The following COL5A1 variants were observed in gnomAD, a reference collection of about 807,000 sequenced individuals.
The protein encoded by COL5A1 is collagen type V alpha 1 chain.
A neutral mutation model predicts 263.7 loss-of-function variants in COL5A1; 16 were observed. The ratio of observed to expected loss-of-function variants is 0.06; its 90% CI spans 0.04 to 0.09. COL5A1 has a LOEUF of 0.09. Among genes scored for constraint, COL5A1 ranks in the 10% least tolerant of loss-of-function variants. The pLI is 1.00. For synonymous variants in COL5A1, 1,012 were observed against 1,004.5 expected (o/e 1.01, Z -0.14); for missense variants, 2,036 against 2,540.5 (o/e 0.80, Z 4.27).
rs1839020232 is a variant in COL5A1 at position 134,821,973 on chromosome 9, G to A, written c.4555-124G>A. The A allele has an allele frequency of 1.1e-5, 9 of 855,804 alleles. No homozygotes were observed. In the South Asian group the frequency reaches 1.2e-4, roughly 11 times the overall value. 53.0% of individuals were successfully genotyped at this position (855,804 alleles called of 1,614,324 possible). ...AAGCAGCCACAGGAGGCTGCTGAGG[G>A]GCCAAAGGGCATACCGTGGGGAAGG... On this transcript the variant is annotated intron_variant, in intron 58 of 65. Transcript: ENST00000371817. This position sits in a 1 kb window ranked among gnomAD's most constrained non-coding sequence, Gnocchi z 4.2.
At position 134,652,476 on chromosome 9, in the gene COL5A1, C is replaced by G. The variant is rs557827191; in HGVS notation, c.109+10180C>G. Among the ~76,000 whole-genome samples, 3 of 152,168 alleles carry G rather than the reference C, an allele frequency of 2.0e-5. No individual in the cohort carries two copies. The highest frequency in any genetic ancestry group is 2.0e-4 in the Admixed American group (3 of 15,276). On this transcript the variant is annotated intron_variant, in intron 1 of 65. Coordinates refer to ENST00000371817, the MANE Select transcript of COL5A1 (RefSeq NM_000093.5). The surrounding 1 kb of genome is among the most constrained non-coding windows in gnomAD (Gnocchi z 4.4). ...TCCTGCCCCTGAAACAGGTGGACAT[C>G]ATGGCTTCTCAGCCCAGGCCATTTG...
chr9:134,827,047 T>A (rs10125373), intron 63 of COL5A1, among the ~76,000 whole-genome samples: 1 of 152,022 alleles, frequency 6.6e-6, no homozygotes, highest in South Asian at 2.1e-4. Context: ...TTGAACGGCC[T>A]CTCCTTCATG....
chr9:134,828,529 C>CACCACAT lies in COL5A1; in HGVS notation c.5068-1446_5068-1445insCCACATA, dbSNP rs1564181048. On this transcript the variant is annotated intron_variant, in intron 63 of 65. Transcript: ENST00000371817. Reference sequence around the variant, plus strand: ...ACATACCACACAGATACACGATACACATACCACACACCACAGAGATACGCA... The same window carrying CACCACAT: ...ACATACCACACAGATACACGATACACACCACATATACCACACACCACAGAGATACGCA... Among the ~76,000 whole-genome samples, 1,512 of 151,396 alleles carry CACCACAT rather than the reference C, an allele frequency of 1.0e-2. 25 individuals carry two copies. The highest frequency in any genetic ancestry group is 0.034 in the African/African-American group (1,411 of 40,988).
intron 4 of COL5A1, among the ~76,000 whole-genome samples, chr9:134,714,428 A>G (rs199838149): frequency 2.1e-4 from 10 of 48,362 alleles, no homozygotes; most frequent in African/African-American, 2.9e-4. Flanking sequence ...GGTGATGGTG[A>G]TGTTTATGGT....
chr9:134,810,144 C>T (rs1348457968), intron 43 of COL5A1, 111 bp from the exon 44 acceptor site: 7 of 1,185,334 alleles, frequency 5.9e-6, no homozygotes, highest in Middle Eastern at 1.9e-4. Flanking sequence ...GTTTTAGGGC[C>T]ACCTGGAAAG....
Position 134,842,299 on chromosome 9 carries a change from G to A in COL5A1, c.5513G>A (p.Gly1838Asp), listed in dbSNP as rs373709427. Residue 1838 changes from glycine to aspartate, a missense_variant, in exon 66 of 66, where the codon GGC becomes GAC. Gly to Asp is a moderately conservative substitution (Grantham distance 94). Around this residue, in one of 3 missense-constraint regions of COL5A1, gnomAD observed 358 missense variants for 384.6 expected, o/e 0.93. Transcript: ENST00000371817. The surrounding 1 kb of genome is among the most constrained non-coding windows in gnomAD (Gnocchi z 5.8). ...GFEVGPACFM[G>D] is the part of the protein sequence containing the mutation. ...GAAGTGGGGCCGGCTTGCTTCATGG[G>A]CTAGGAGCCGCCGAGCCCGGGCTCC... 2 of 1,613,972 alleles carry A rather than the reference G, an allele frequency of 1.2e-6. No individual in the cohort carries two copies. The highest frequency in any genetic ancestry group is 1.7e-6 in the Non-Finnish European group (2 of 1,179,990).
intron 14 of COL5A1, among the ~76,000 whole-genome samples, chr9:134,753,088 G>C (rs4500152): frequency 0.28 from 42,429 of 151,640 alleles, 6,128 homozygotes; most frequent in East Asian, 0.34. Context: ...GCAGCCAGGG[G>C]CCTGGGGAAG....
At position 134,822,024 on chromosome 9, in the gene COL5A1, G is replaced by A. The variant is rs1839022397; in HGVS notation, c.4555-73G>A. The A allele has an allele frequency of 3.7e-6, 5 of 1,343,228 alleles. No homozygotes were observed. In the Admixed American group the frequency reaches 5.0e-5, roughly 13 times the overall value. The allele number at this position is 1,343,228 out of a possible 1,614,324, so 83.2% of individuals were successfully genotyped here. ...GACAGGGGAGCCGAGGGGTGTGGCTGGGTAGCAGGGTTGCAGCCCCGCAGC... is the reference window on the plus strand; with the variant it reads ...GACAGGGGAGCCGAGGGGTGTGGCTAGGTAGCAGGGTTGCAGCCCCGCAGC... On this transcript the variant is annotated intron_variant, in intron 58 of 65. Transcript: ENST00000371817.
At chr9:134,723,054 G>T (rs879841162) in intron 4 of COL5A1, among the ~76,000 whole-genome samples, 3 of 152,184 alleles carry the variant, frequency 2.0e-5, no homozygotes, top group Admixed American at 2.0e-4. Context: ...GTCACTCCCC[G>T]TCCCCGTGCT....
rs761837954 is a variant in COL5A1, at chr9:134,822,149, C to A, written c.4607C>A (p.Pro1536Gln). The A allele has an allele frequency of 1.4e-6, 2 of 1,400,050 alleles. No homozygotes were observed. 86.7% of individuals were successfully genotyped at this position (1,400,050 alleles called of 1,614,324 possible). A position where few individuals can be genotyped will look rare whatever the true frequency, so the allele number is the denominator to read the frequency against. Residue 1536 changes from proline to glutamine, a missense_variant and splice_region_variant, in exon 59 of 66, where the codon CCG becomes CAG. Physicochemically the swap from Pro to Gln is moderately conservative, Grantham distance 76. Around this residue, in one of 3 missense-constraint regions of COL5A1, gnomAD observed 1,078 missense variants for 1,521.4 expected, o/e 0.71. Coordinates refer to ENST00000371817, the MANE Select transcript of COL5A1 (RefSeq NM_000093.5). ...PIGPPGPPGL[P>Q]GPPGPKGAKG... ...GGGCCTCCTGGGCCCCCTGGCCTGC[C>A]GGTGTGTATCTGGGAGGGGCTTGGT...
chr9:134,643,366 G>C (rs1831367422), intron 1 of COL5A1, among the ~76,000 whole-genome samples: 2 of 152,202 alleles, frequency 1.3e-5, no homozygotes, highest in South Asian at 4.1e-4. Flanking sequence ...CGATGGGACG[G>C]TGGGCTCAGC....
intron 34 of COL5A1, 85 bp downstream of exon 34, chr9:134,795,400 G>T: frequency 5.3e-6 from 6 of 1,130,918 alleles, no homozygotes; most frequent in South Asian, 4.4e-5. Context: ...GGGTGTCTGT[G>T]ACCTTTTTTA....
intron 38 of COL5A1, among the ~76,000 whole-genome samples, chr9:134,802,248 C>G (rs1318378633): frequency 6.6e-6 from 1 of 152,252 alleles, no homozygotes; most frequent in Non-Finnish European, 1.5e-5. Context: ...CCAAGGCTCA[C>G]AGGGTGGCTG....
chr9:134,735,698 T>C (rs1835072826), intron 9 of COL5A1, among the ~76,000 whole-genome samples: 1 of 152,240 alleles, frequency 6.6e-6, no homozygotes, highest in Non-Finnish European at 1.5e-5. Context: ...TGATGGCCAG[T>C]GGTTTCTCCC....
At chr9:134,810,838 C>T (rs982344057) in intron 44 of COL5A1, among the ~76,000 whole-genome samples, 1 of 151,792 alleles carries the variant, frequency 6.6e-6, no homozygotes, top group Non-Finnish European at 1.5e-5. Context: ...ATCCGTGCTC[C>T]TGGGAGGCCT....
rs2132747868 is a variant in COL5A1, at chr9:134,774,852, GT to G, written c.2332-3del. ...GGGGCTAACGGTCTTTTTCTGTTTG[GT>G]TTTAGGGTCCACCTGGCCCCCAGGG... On this transcript the variant is annotated splice_polypyrimidine_tract_variant and splice_region_variant and intron_variant, in intron 26 of 65. Transcript: ENST00000371817. The G allele has an allele frequency of 6.2e-7, 1 of 1,613,548 alleles. No homozygotes were observed. Among genetic ancestry groups the G allele is most frequent in the Non-Finnish European group, 8.5e-7 (1 of 1,179,818 alleles).
Position 134,745,088 on chromosome 9 carries a change from C to G in COL5A1, c.1495-5454C>G, listed in dbSNP as rs1309144374. The stretch of plus-strand genomic sequence containing the variant: ...CACATTTATCTTCAAAGCTTAGTCC[C>G]CTGAGGCCACTGATAGGAATCTGTC... On this transcript the variant is annotated intron_variant, in intron 11 of 65. Transcript: ENST00000371817. 2.6e-5 allele frequency among the ~76,000 whole-genome samples: 4 copies of G among 152,326 alleles called. No individual in the cohort carries two copies. The East Asian group carries it at 7.7e-4, about 29-fold the overall frequency.
intron 18 of COL5A1, among the ~76,000 whole-genome samples, chr9:134,759,656 A>ACAC (rs1564438416): frequency 2.0e-4 from 22 of 109,254 alleles, no homozygotes; most frequent in African/African-American, 5.1e-4. Flanking sequence ...ACATGCACAC[A>ACAC]TACGCATGCA....
chr9:134,827,214 C>T (rs1015086190), intron 63 of COL5A1, among the ~76,000 whole-genome samples: 1 of 152,212 alleles, frequency 6.6e-6, no homozygotes, highest in Non-Finnish European at 1.5e-5. Context: ...AGAGCAGCTA[C>T]GTTCTCCCCA....
Sources: allele counts gnomAD v4.1 joint callset (sites outside exome capture counted in the v4.1 genomes callset), GRCh38; gene constraint gnomAD v4.1.1; regional missense constraint gnomAD v4.1.1; non-coding constraint Gnocchi (gnomAD v3.1); transcripts MANE v1.5; gene names NCBI Gene and HGNC (gene_info 2026-07-23, HGNC 2026-07-21).